Variants in KIF26B observed in about 807,000 individuals in gnomAD.
The protein encoded by KIF26B is kinesin-like protein KIF26B.
A neutral mutation model predicts 151.2 loss-of-function variants in KIF26B; 63 were observed. The ratio of observed to expected loss-of-function variants is 0.42; its 90% CI spans 0.34 to 0.51. The LOEUF is 0.51. KIF26B is among the 20% of genes least tolerant of loss of function. The pLI is 0.07. For missense variants in KIF26B, 2,813 were observed against 2,913.6 expected, an observed-to-expected ratio of 0.97 and a Z score of 0.79; for synonymous variants, 1,357 against 1,262.1, an observed-to-expected ratio of 1.08 and a Z score of -1.59.
chr1:245,268,703 C>T (rs1017428562), intron 2 of KIF26B, among the ~76,000 whole-genome samples: 1 of 151,950 alleles, frequency 6.6e-6, no homozygotes, highest in Non-Finnish European at 1.5e-5. Flanking sequence ...CAGTCCGAGC[C>T]CCTCTGTCTA....
chr1:245,570,762 GTTAAACATCA>G (rs1257201756), intron 5 of KIF26B, among the ~76,000 whole-genome samples: 4 of 152,218 alleles, frequency 2.6e-5, no homozygotes, highest in African/African-American at 9.7e-5. Flanking sequence ...GCCCTTCAGT[GTTAAACATCA>G]TTAAACATAA....
At chr1:245,618,912 T>A (rs1286179719) in intron 9 of KIF26B, among the ~76,000 whole-genome samples, 1 of 142,666 alleles carries the variant, frequency 7.0e-6, no homozygotes, top group Non-Finnish European at 1.5e-5. Context: ...GGTGAGCTTG[T>A]CCAAGCCCTA....
intron 5 of KIF26B, among the ~76,000 whole-genome samples, chr1:245,552,745 A>G (rs1389413682): frequency 6.6e-6 from 1 of 151,886 alleles, no homozygotes; most frequent in East Asian, 1.9e-4. Flanking sequence ...GATTACAGGC[A>G]CATGCCACCA....
At chr1:245,299,152 A>G (rs750809557) in intron 2 of KIF26B, among the ~76,000 whole-genome samples, 1 of 152,132 alleles carries the variant, frequency 6.6e-6, no homozygotes, top group Admixed American at 6.5e-5. Flanking sequence ...CTCAGTTTGA[A>G]CAGGCGCATT....
intron 2 of KIF26B, among the ~76,000 whole-genome samples, chr1:245,272,318 T>C (rs1054639698): frequency 5.3e-5 from 8 of 152,126 alleles, no homozygotes; most frequent in Non-Finnish European, 1.0e-4. Context: ...TCCAGCTATT[T>C]GGGATGCTGA....
chr1:245,361,841 C>G (rs1212752931), intron 2 of KIF26B, among the ~76,000 whole-genome samples: 1 of 152,136 alleles, frequency 6.6e-6, no homozygotes, highest in Non-Finnish European at 1.5e-5. Context: ...GTCCTCTTTG[C>G]CAATCAGAGT....
intron 10 of KIF26B, among the ~76,000 whole-genome samples, chr1:245,650,881 G>A (rs536536619): frequency 9.2e-5 from 14 of 152,244 alleles, no homozygotes; most frequent in South Asian, 4.1e-4. Context: ...CCATCCTGTC[G>A]TGGAAATGAT....
intron 2 of KIF26B, among the ~76,000 whole-genome samples, chr1:245,333,395 G>C (rs58351695): frequency 0.26 from 38,965 of 151,986 alleles, 7,425 homozygotes; most frequent in African/African-American, 0.51. Context: ...CTAGAGCAGT[G>C]AAATTCATAG....
intron 8 of KIF26B, among the ~76,000 whole-genome samples, chr1:245,610,742 T>C (rs1409499490): frequency 1.3e-5 from 2 of 152,264 alleles, no homozygotes; most frequent in Admixed American, 1.3e-4. Context: ...ATATTCCCTT[T>C]AATTCTTGTT....
chr1:245,575,482 A>G (rs1335053734), intron 5 of KIF26B, among the ~76,000 whole-genome samples: 1 of 152,104 alleles, frequency 6.6e-6, no homozygotes, highest in East Asian at 2.0e-4. Context: ...CTCAAAAAAA[A>G]AATGTAGAAA....
intron 2 of KIF26B, among the ~76,000 whole-genome samples, chr1:245,317,663 C>T (rs917502120): frequency 5.3e-5 from 8 of 152,168 alleles, no homozygotes; most frequent in Non-Finnish European, 1.2e-4. Flanking sequence ...AGGGAAGACC[C>T]GCATTCCAGA....
intron 2 of KIF26B, among the ~76,000 whole-genome samples, chr1:245,335,567 GAAAGGAGAGTCCCACGCGGGA>G (rs1672202515): frequency 6.6e-6 from 1 of 151,668 alleles, no homozygotes; most frequent in African/African-American, 2.4e-5. Flanking sequence ...CCCACGCAGG[GAAAGGAGAGTCCCACGCGGGA>G]AAAGGAGAGT....
intron 5 of KIF26B, among the ~76,000 whole-genome samples, chr1:245,556,333 T>TCCCTCC (rs1662033997): frequency 3.7e-5 from 4 of 108,672 alleles, no homozygotes; most frequent in Admixed American, 1.6e-4. Context: ...TTCCTCCTTC[T>TCCCTCC]TCCTCCTTCC....
At chr1:245,498,442 C>T (rs2103077410) in intron 4 of KIF26B, among the ~76,000 whole-genome samples, 1 of 152,216 alleles carries the variant, frequency 6.6e-6, no homozygotes, top group East Asian at 1.9e-4. Context: ...GAAAATAGAG[C>T]TTATGAACAT....
rs3054247 is a variant in KIF26B at position 245,167,186 on chromosome 1, GT to G, written c.465+10514del. Among the ~76,000 whole-genome samples the G allele has an allele frequency of 7.1e-4, 99 of 139,526 alleles. No individual in the cohort carries two copies. Among genetic ancestry groups the G allele is most frequent in the African/African-American group, 9.9e-4 (36 of 36,184 alleles). 91.5% of individuals were successfully genotyped at this position (139,526 alleles called of 152,430 possible). ...GTGTAAACTTTCTTTTTATATAATTGTTTTTTTTTTTGCTTGAAAGCATGAG... is the reference window on the plus strand; with the variant it reads ...GTGTAAACTTTCTTTTTATATAATTGTTTTTTTTTTGCTTGAAAGCATGAG... On this transcript the variant is annotated intron_variant, in intron 2 of 14. Transcript: ENST00000407071. The surrounding 1 kb of genome is among the most constrained non-coding windows in gnomAD (Gnocchi z 4.2).
intron 2 of KIF26B, among the ~76,000 whole-genome samples, chr1:245,219,274 G>A (rs2103548115): frequency 6.6e-6 from 1 of 151,568 alleles, no homozygotes; most frequent in Admixed American, 6.6e-5. Flanking sequence ...GAGTAGCTGG[G>A]ACTACAGGTG....
chr1:245,502,765 G>A (rs1019640618), intron 4 of KIF26B, among the ~76,000 whole-genome samples: 6 of 152,000 alleles, frequency 3.9e-5, no homozygotes, highest in Non-Finnish European at 5.9e-5. Flanking sequence ...ATGGTAGGAG[G>A]GTTAAAGAAC....
chr1:245,408,594 A>T (rs1020539503), intron 3 of KIF26B, among the ~76,000 whole-genome samples: 1 of 152,080 alleles, frequency 6.6e-6, no homozygotes, highest in Non-Finnish European at 1.5e-5. Flanking sequence ...ACCTCAGGTG[A>T]TCCACCCGCC....
chr1:245,455,895 G>A (rs1337676934), intron 4 of KIF26B, among the ~76,000 whole-genome samples: 2 of 152,072 alleles, frequency 1.3e-5, no homozygotes, highest in African/African-American at 2.4e-5. Flanking sequence ...ACCTATTCCC[G>A]TCTATCAAAA....
Sources: gnomAD v4.1 joint callset for allele counts (sites outside exome capture counted in the v4.1 genomes callset) on GRCh38, gnomAD v4.1.1 for gene constraint, Gnocchi (gnomAD v3.1) non-coding constraint, MANE v1.5 for transcripts, NCBI Gene and HGNC (gene_info 2026-07-23, HGNC 2026-07-21) for gene names.